The following HHAT variants were observed in gnomAD, a reference collection of about 807,000 sequenced individuals.
HHAT encodes the protein hedgehog acyltransferase.
HHAT carries 47 observed loss-of-function variants against 70.8 expected under a neutral mutation model. The ratio of observed to expected loss-of-function variants is 0.66; its 90% confidence interval spans 0.53 to 0.85. The LOEUF (loss-of-function observed/expected upper bound fraction) is 0.85, where lower values mean the gene tolerates loss of function less well. HHAT is among the 40% of genes least tolerant of loss of function. HHAT has a pLI of 0.00. For synonymous variants in HHAT, 228 were observed against 247.6 expected (o/e 0.92, Z 0.74); for missense variants, 609 against 604.8 (o/e 1.01, Z -0.07).
chr1:210,375,207 C>G (rs1258682357), intron 3 of HHAT, among the ~76,000 whole-genome samples: 1 of 152,186 alleles, frequency 6.6e-6, no homozygotes, highest in Non-Finnish European at 1.5e-5. Context: ...TGTGCTGCCT[C>G]TTTGATGGCC....
In HHAT at chr1:210,523,845, C is replaced by A. The variant is rs7536126; in HGVS notation, c.1043+10657C>A. On this transcript the variant is annotated intron_variant, in intron 9 of 11. Coordinates refer to ENST00000261458, the MANE Select transcript of HHAT (RefSeq NM_018194.6). ...CAAATTAAGTGCCCTAAGTACTATT[C>A]TAGGTGCCAGGATCAAAGCAGTAAC... Among the ~76,000 whole-genome samples, 1,305 of 152,328 alleles carry A rather than the reference C, an allele frequency of 8.6e-3. 22 individuals are homozygous for A. Among genetic ancestry groups the A allele is most frequent in the African/African-American group, 0.027 (1,129 of 41,578 alleles).
At chr1:210,563,254 T>C (rs74997512) in intron 9 of HHAT, among the ~76,000 whole-genome samples, 9,061 of 152,144 alleles carry the variant, frequency 0.06, 856 homozygotes, top group African/African-American at 0.2. Context: ...GGTCCAAATA[T>C]AGCTAAGAAA....
At chr1:210,387,378 G>T in intron 3 of HHAT, 90 bp from the exon 4 acceptor site, 2 of 1,055,170 alleles carry the variant, frequency 1.9e-6, no homozygotes, top group Non-Finnish European at 2.9e-6. Flanking sequence ...GACTCACACT[G>T]GCCTTCTTTC....
At chr1:210,524,966 C>A (rs1271610649) in intron 9 of HHAT, among the ~76,000 whole-genome samples, 1 of 152,038 alleles carries the variant, frequency 6.6e-6, no homozygotes, top group Non-Finnish European at 1.5e-5. Flanking sequence ...TGGCAGTAGG[C>A]TCTCTCCAGA....
At chr1:210,400,896 C>A (rs568331806) in intron 5 of HHAT, among the ~76,000 whole-genome samples, 1 of 152,294 alleles carries the variant, frequency 6.6e-6, no homozygotes, top group South Asian at 2.1e-4. Flanking sequence ...CCTGTACCAT[C>A]TCTCCCAGTT....
chr1:210,587,935 C>A lies in HHAT; in HGVS notation c.1081C>A (p.Leu361Met), dbSNP rs775624263. ...TCCAGTGGGCGGGTCCCAGCATGGC[C>A]TGCTGGGGACACTGTTTTCCACGGC... The part of the protein sequence containing the change: ...YIPVGGSQHG[L>M]LGTLFSTAMT... Residue 361 changes from leucine to methionine, a missense_variant, in exon 10 of 12, where the codon CTG (leucine) becomes ATG (methionine). Leu to Met is a conservative substitution (Grantham distance 15, BLOSUM62 2). Transcript: ENST00000261458. 14 of 1,614,022 alleles carry A rather than the reference C, an allele frequency of 8.7e-6. No homozygotes were observed. The Admixed American group carries it at 1.5e-4, about 17-fold the overall frequency.
intron 7 of HHAT, among the ~76,000 whole-genome samples, chr1:210,430,001 A>G (rs2093196258): frequency 6.6e-6 from 1 of 151,988 alleles, no homozygotes; most frequent in South Asian, 2.1e-4. Context: ...AATACAGTTT[A>G]TCATAAAAAG....
chr1:210,593,408 A>G (rs6693375), intron 10 of HHAT, among the ~76,000 whole-genome samples: 146,703 of 152,156 alleles, frequency 0.96, 70,942 homozygotes, highest in East Asian at 1. Flanking sequence ...GAGTTTTTCA[A>G]TTTCTTAAGT....
At chr1:210,371,707 C>T (rs906518344) in intron 3 of HHAT, among the ~76,000 whole-genome samples, 10 of 152,266 alleles carry the variant, frequency 6.6e-5, no homozygotes, top group Middle Eastern at 3.4e-3. Flanking sequence ...TGAGGGGCTG[C>T]GGCTTAATGA....
chr1:210,339,295 A>T (rs1373258320), intron 1 of HHAT, among the ~76,000 whole-genome samples: 2 of 152,208 alleles, frequency 1.3e-5, no homozygotes, highest in East Asian at 3.8e-4. Flanking sequence ...CCATTGTGAA[A>T]GGTAGCTTTT....
chr1:210,553,077 G>A (rs765803042), intron 9 of HHAT, among the ~76,000 whole-genome samples: 2 of 152,164 alleles, frequency 1.3e-5, no homozygotes, highest in African/African-American at 4.8e-5. Flanking sequence ...TCTGTCCTAA[G>A]ATGTCAGCAT....
intron 8 of HHAT, among the ~76,000 whole-genome samples, chr1:210,486,958 A>T (rs951454523): frequency 6.6e-6 from 1 of 152,178 alleles, no homozygotes; most frequent in Non-Finnish European, 1.5e-5. Flanking sequence ...AAAAGGAGGG[A>T]TAATGAAGTC....
At chr1:210,556,800 C>A (rs1412413276) in intron 9 of HHAT, among the ~76,000 whole-genome samples, 1 of 152,204 alleles carries the variant, frequency 6.6e-6, no homozygotes, top group Non-Finnish European at 1.5e-5. Context: ...CACCCCTAAC[C>A]TAGCCAGCCA....
intron 10 of HHAT, among the ~76,000 whole-genome samples, chr1:210,614,860 C>T (rs961426646): frequency 1.2e-4 from 19 of 152,094 alleles, no homozygotes; most frequent in Admixed American, 6.6e-4. Flanking sequence ...TGAGTAGTGC[C>T]GCAATAAACA....
intron 9 of HHAT, among the ~76,000 whole-genome samples, chr1:210,569,762 C>A (rs991067019): frequency 6.6e-6 from 1 of 152,138 alleles, no homozygotes; most frequent in East Asian, 1.9e-4. Flanking sequence ...AGCCACCCCT[C>A]AGAATCAACC....
At chr1:210,366,620 C>T (rs1377243858) in intron 3 of HHAT, among the ~76,000 whole-genome samples, 12 of 152,286 alleles carry the variant, frequency 7.9e-5, no homozygotes, top group Non-Finnish European at 1.8e-4. Context: ...GAGACCTTGT[C>T]TCTAAAAATA....
At chr1:210,362,236 C>CTTTTTTTTTTTTTTTTTTT (rs72236593) in intron 2 of HHAT, among the ~76,000 whole-genome samples, 1 of 139,674 alleles carries the variant, frequency 7.2e-6, no homozygotes, top group Non-Finnish European at 1.6e-5. Flanking sequence ...GTCAAAATTT[C>CTTTTTTTTTTTTTTTTTTT]TTTTTTTTTT....
intron 9 of HHAT, among the ~76,000 whole-genome samples, chr1:210,518,628 A>C (rs1181699002): frequency 6.6e-6 from 1 of 152,178 alleles, no homozygotes; most frequent in African/African-American, 2.4e-5. Flanking sequence ...TCCCATCTCT[A>C]CTGAAAATAC....
chr1:210,657,262 C>T (rs142338363), intron 11 of HHAT, among the ~76,000 whole-genome samples: 2 of 152,310 alleles, frequency 1.3e-5, no homozygotes, highest in Admixed American at 6.5e-5. Flanking sequence ...CTCTGGACAA[C>T]CTAGTCCACT....
Sources: allele counts gnomAD v4.1 joint callset (sites outside exome capture counted in the v4.1 genomes callset), GRCh38; gene constraint gnomAD v4.1.1; transcripts MANE v1.5; gene names NCBI Gene and HGNC (gene_info 2026-07-23, HGNC 2026-07-21).